Variants in PCDHA5 observed in about 807,000 individuals in gnomAD.
PCDHA5 encodes protocadherin alpha 5, also known as protocadherin alpha-5.
PCDHA5 carries 43 observed loss-of-function variants against 61.6 expected under a neutral mutation model. The ratio of observed to expected loss-of-function variants is 0.70; its 90% CI spans 0.55 to 0.90. The LOEUF (loss-of-function observed/expected upper bound fraction) is 0.90, where lower values mean the gene tolerates loss of function less well. PCDHA5 is among the 40% of genes least tolerant of loss of function. The pLI is 0.00. For synonymous variants in PCDHA5, 627 were observed against 543.9 expected (o/e 1.15, Z -2.13); for missense variants, 1,298 against 1,222.7 (o/e 1.06, Z -0.92).
At chr5:140,927,447 G>A (rs1563092229) in intron 1 of PCDHA5, 7 of 1,613,982 alleles carry the variant, frequency 4.3e-6, no homozygotes, top group Non-Finnish European at 5.1e-6. Flanking sequence ...ACCCGGAGTT[G>A]GTGTTGGAGA....
intron 1 of PCDHA5, among the ~76,000 whole-genome samples, chr5:140,831,946 G>T (rs928046102): frequency 1.3e-5 from 2 of 152,098 alleles, no homozygotes; most frequent in African/African-American, 2.4e-5. Flanking sequence ...AAGAGGAAAA[G>T]AAAAACTTTA....
intron 1 of PCDHA5, among the ~76,000 whole-genome samples, chr5:140,887,041 A>G (rs1166286264): frequency 6.6e-6 from 1 of 152,026 alleles, no homozygotes; most frequent in African/African-American, 2.4e-5. Flanking sequence ...AATATTTTTT[A>G]TAGTGCATAT....
At chr5:140,903,329 G>A (rs2070195936) in intron 1 of PCDHA5, among the ~76,000 whole-genome samples, 1 of 152,160 alleles carries the variant, frequency 6.6e-6, no homozygotes, top group Non-Finnish European at 1.5e-5. Context: ...TTTTATTGAG[G>A]AAAGGATGCA....
At chr5:140,871,049 T>A in intron 1 of PCDHA5, 4 of 1,613,302 alleles carry the variant, frequency 2.5e-6, no homozygotes, top group Non-Finnish European at 3.4e-6. Flanking sequence ...CTTCTAGTAC[T>A]GGTGAAGGAT....
chr5:140,926,569 A>T (rs1245214494), intron 1 of PCDHA5: 1 of 261,750 alleles, frequency 3.8e-6, no homozygotes, highest in Admixed American at 5.3e-5. Context: ...CTGCTACTGG[A>T]GACAGCACCT....
intron 3 of PCDHA5, among the ~76,000 whole-genome samples, chr5:140,991,495 A>C (rs1331520722): frequency 6.6e-6 from 1 of 152,220 alleles, no homozygotes; most frequent in Non-Finnish European, 1.5e-5. Flanking sequence ...GTCCACAGTG[A>C]GTTTCACTGG....
intron 1 of PCDHA5, chr5:140,841,412 C>T (rs2150314878): frequency 6.2e-7 from 1 of 1,613,052 alleles, no homozygotes; most frequent in Admixed American, 1.7e-5. Context: ...GAGCGGCCAG[C>T]TCCACTACTC....
In PCDHA5 at chr5:140,871,387, G is replaced by A. The variant is rs372339362; in HGVS notation, c.2352+47260G>A. Reference sequence around the variant, plus strand: ...GCGGCAGAGGGTGTGCTCTGAGGAGGGCCCACCTAAGACGGACCTCATGGC... The same window carrying A: ...GCGGCAGAGGGTGTGCTCTGAGGAGAGCCCACCTAAGACGGACCTCATGGC... On this transcript the variant is annotated intron_variant, in intron 1 of 3. Coordinates refer to ENST00000529859, the MANE Select transcript of PCDHA5 (RefSeq NM_018908.3). 87 of 1,614,172 alleles carry A rather than the reference G, an allele frequency of 5.4e-5. No homozygotes were observed. The African/African-American group carries it at 1.0e-3, about 19-fold the overall frequency.
chr5:140,822,673 G>T lies in PCDHA5; in HGVS notation c.898G>T (p.Glu300Ter). 1 of 1,608,644 alleles carries T rather than the reference G, an allele frequency of 6.2e-7. No individual in the cohort carries two copies. The highest frequency in any genetic ancestry group is 2.2e-5 in the East Asian group (1 of 44,870). ...ATTTATAATTAATTCTAATACTGGT[G>T]AAATAAAAGTTAACGGGGAACTGGA... ...SKFIINSNTG[E>*]IKVNGELDYE... The change falls in exon 1 of 4, where the codon GAA becomes TAA. Residue 300 changes from glutamate to a stop codon, truncating the protein, a stop_gained. Coordinates refer to ENST00000529859, the MANE Select transcript of PCDHA5 (RefSeq NM_018908.3). LOFTEE classifies it high-confidence loss of function.
rs2150363353 is a variant in PCDHA5 at position 140,843,609 on chromosome 5, G to A, written c.2352+19482G>A. The A allele has an allele frequency of 1.3e-6, 2 of 1,596,016 alleles. No homozygotes were observed. Among genetic ancestry groups the A allele is most frequent in the Non-Finnish European group, 1.7e-6 (2 of 1,165,520 alleles). ...CCGCAGAGGGTGTGCTCTGGTGAGGGGCCACCGAAGACGGACCTCATGGCC... is the reference window on the plus strand; with the variant it reads ...CCGCAGAGGGTGTGCTCTGGTGAGGAGCCACCGAAGACGGACCTCATGGCC... On this transcript the variant is annotated intron_variant, in intron 1 of 3. Transcript: ENST00000529859.
intron 1 of PCDHA5, chr5:140,870,855 G>T: frequency 3.7e-6 from 6 of 1,613,910 alleles, no homozygotes; most frequent in East Asian, 2.2e-5. Context: ...CGCGGTCGGT[G>T]GGTGCGGGCC....
intron 1 of PCDHA5, among the ~76,000 whole-genome samples, chr5:140,893,595 T>C (rs13187419): frequency 0.05 from 7,691 of 152,298 alleles, 276 homozygotes; most frequent in Non-Finnish European, 0.072. Context: ...GGAAATACTT[T>C]ATTTCTCCTT....
At chr5:140,848,770 G>A in intron 1 of PCDHA5, 1 of 1,593,518 alleles carries the variant, frequency 6.3e-7, no homozygotes, top group Non-Finnish European at 8.6e-7. Flanking sequence ...CGGATCGACC[G>A]CGAGGAGCTG....
At chr5:140,827,484 G>A (rs1007754515) in intron 1 of PCDHA5, among the ~76,000 whole-genome samples, 37 of 152,134 alleles carry the variant, frequency 2.4e-4, no homozygotes, top group African/African-American at 8.5e-4. Flanking sequence ...AACAAAGAAA[G>A]CATGGACTTC....
chr5:140,840,024 G>A (rs1776520218), intron 1 of PCDHA5, among the ~76,000 whole-genome samples: 2 of 152,172 alleles, frequency 1.3e-5, no homozygotes, highest in Middle Eastern at 3.4e-3. Context: ...TCATGGTCAC[G>A]TAGCGTATCT....
Position 140,843,393 on chromosome 5 carries a change from C to T in PCDHA5, c.2352+19266C>T. ...TCGGCTGGCGTTTTGGGTCCGGAAG[C>T]GGCGCTGGTGGATGTCAACGTGTAC... On this transcript the variant is annotated intron_variant, in intron 1 of 3. Coordinates refer to ENST00000529859, the MANE Select transcript of PCDHA5 (RefSeq NM_018908.3). The T allele has an allele frequency of 1.9e-6, 3 of 1,596,052 alleles. 1 individual carries two copies. Among genetic ancestry groups the T allele is most frequent in the South Asian group, 2.2e-5 (2 of 90,510 alleles).
intron 1 of PCDHA5, among the ~76,000 whole-genome samples, chr5:140,963,640 CT>C (rs1426012343): frequency 6.6e-6 from 1 of 152,164 alleles, no homozygotes; most frequent in African/African-American, 2.4e-5. Flanking sequence ...CGCATCTTCC[CT>C]ATCATGGTTG....
At chr5:140,881,507 C>A in intron 1 of PCDHA5, 1 of 231,112 alleles carries the variant, frequency 4.3e-6, no homozygotes, top group Non-Finnish European at 7.1e-6. Context: ...CACACACTCA[C>A]ATACAAAATC....
chr5:141,000,389 C>A (rs868958582), intron 3 of PCDHA5, among the ~76,000 whole-genome samples: 168 of 62,538 alleles, frequency 2.7e-3, no homozygotes, highest in Non-Finnish European at 3.7e-3. Flanking sequence ...CTCTCTCTCT[C>A]TCTCTCTATA....
Sources: allele counts gnomAD v4.1 joint callset (sites outside exome capture counted in the v4.1 genomes callset), GRCh38; gene constraint gnomAD v4.1.1; transcripts MANE v1.5; gene names NCBI Gene and HGNC (gene_info 2026-07-23, HGNC 2026-07-21).